The following XPNPEP2 variants were observed in gnomAD, a reference collection of about 807,000 sequenced individuals.
The protein encoded by XPNPEP2 is xaa-Pro aminopeptidase 2.
In XPNPEP2, 64 loss-of-function variants were observed where a neutral mutation model predicts 59.8. The observed-to-expected ratio is 1.07, with a 90% CI of 0.87 to 1.32. The LOEUF (loss-of-function observed/expected upper bound fraction) is 1.32. XPNPEP2 is among the 40% of genes most tolerant of loss of function. The pLI, the probability that XPNPEP2 is intolerant of heterozygous loss-of-function variation, is 0.00. For missense variants in XPNPEP2, 575 were observed against 546.8 expected (o/e 1.05, Z -0.51); for synonymous variants, 235 against 210.0 (o/e 1.12, Z -1.03).
intron 11 of XPNPEP2, among the ~76,000 whole-genome samples, 157 bp downstream of exon 11, chrX:129,753,405 G>A (rs1477898447): frequency 1.8e-5 from 2 of 112,055 alleles, no homozygotes; most frequent in Non-Finnish European, 3.8e-5. Context: ...CACTTTGGGA[G>A]GCCAAGGTGA....
chrX:129,744,189 G>C, intron 3 of XPNPEP2, 118 bp downstream of exon 3: 1 of 633,438 alleles, frequency 1.6e-6, no homozygotes, highest in Non-Finnish European at 2.5e-6. Flanking sequence ...GGCAAAGGGA[G>C]GGAAGTAGAG....
At chrX:129,757,340 G>T (rs1329377036) in intron 14 of XPNPEP2, among the ~76,000 whole-genome samples, 2 of 110,083 alleles carry the variant, frequency 1.8e-5, no homozygotes, top group Admixed American at 2.0e-4. Flanking sequence ...TCATCCACTA[G>T]TGCACACCCT....
rs760399528 is a variant in XPNPEP2, at chrX:129,760,521, A to G, written c.1438A>G (p.Thr480Ala). 4.5e-5 allele frequency: 55 copies of G among 1,209,307 alleles called. No homozygotes were observed. Among genetic ancestry groups the G allele is most frequent in the Non-Finnish European group, 5.9e-5 (53 of 894,774 alleles). The change falls in exon 16 of 21, where the codon ACC becomes GCC. Residue 480 changes from threonine (T) to alanine (A), a missense_variant. By Grantham distance (58) the Thr-to-Ala change is moderately conservative (BLOSUM62 0). Coordinates refer to ENST00000371106, the MANE Select transcript of XPNPEP2 (RefSeq NM_003399.6). The stretch of plus-strand genomic sequence containing the variant: ...TTCCTCTCCCCATCAGGAGGCATAC[A>G]CCCGTGTGCTGATAGGAAATATTGA... Reference protein sequence around the residue: ...TPSAFQKEAYTRVLIGNIDLS... With the variant: ...TPSAFQKEAYARVLIGNIDLS...
chrX:129,739,131 G>C lies in XPNPEP2; in HGVS notation c.-83G>C. 1 of 1,037,254 alleles carries C rather than the reference G, an allele frequency of 9.6e-7. No individual in the cohort carries two copies. The highest frequency in any genetic ancestry group is 1.3e-6 in the Non-Finnish European group (1 of 756,527). 85.5% of individuals were successfully genotyped at this position (1,037,254 alleles called of 1,213,427 possible). On this transcript the variant is annotated 5_prime_UTR_variant, in exon 1 of 21. Transcript: ENST00000371106. ...CCTCTGTCTGCTCGAGCCCAGGAAA[G>C]GCCTGAAGGAAGAGGCCGGGGAAAG...
At chrX:129,760,656 C>A in intron 16 of XPNPEP2, 75 bp downstream of exon 16, 1 of 1,049,043 alleles carries the variant, frequency 9.5e-7, no homozygotes. Context: ...CCCTGGGAGG[C>A]TGGTGGGGCA....
chrX:129,753,639 A>G (rs904390079), intron 11 of XPNPEP2, among the ~76,000 whole-genome samples: 1 of 111,287 alleles, frequency 9.0e-6, no homozygotes, highest in Admixed American at 9.6e-5. Flanking sequence ...GGTCAAAAAA[A>G]AAGAAAGAAA....
In XPNPEP2 at chrX:129,767,659, C is replaced by G; in HGVS notation, c.1797C>G (p.Asn599Lys). 1.7e-6 allele frequency: 2 copies of G among 1,211,740 alleles called. No individual in the cohort carries two copies. The highest frequency in any genetic ancestry group is 1.8e-5 in the South Asian group (1 of 56,991). Reference protein sequence around the residue: ...EVVSFVPYDRNLIDVSLLSPE... With the variant: ...EVVSFVPYDRKLIDVSLLSPE... ...TATCATTTGTGCCCTATGACCGGAACCTCATCGATGTCAGCCTGCTGTCTC... is the reference window on the plus strand; with the variant it reads ...TATCATTTGTGCCCTATGACCGGAAGCTCATCGATGTCAGCCTGCTGTCTC... The change falls in exon 20 of 21, where the codon AAC (asparagine) becomes AAG (lysine). Residue 599 changes from asparagine (N) to lysine (K), a missense_variant. By Grantham distance (94) the Asn-to-Lys change is moderately conservative. Coordinates refer to ENST00000371106, the MANE Select transcript of XPNPEP2 (RefSeq NM_003399.6).
At chrX:129,742,057 T>C in intron 1 of XPNPEP2, 51 bp from the exon 2 acceptor site, 1 of 1,150,755 alleles carries the variant, frequency 8.7e-7, no homozygotes, top group East Asian at 3.0e-5. Flanking sequence ...CTTCCCTCTC[T>C]AGGAACTAGC....
chrX:129,753,078 C>T lies in XPNPEP2; in HGVS notation c.1018-81C>T. ...CCTCCTGCCAGTCCTCTGAAAACAC[C>T]CCTGTGCCATGGAGACCTCCTTTAC... On this transcript the variant is annotated intron_variant, in intron 10 of 20. Transcript: ENST00000371106. 3.6e-6 allele frequency: 3 copies of T among 839,231 alleles called. No individual in the cohort carries two copies. The South Asian group carries it at 6.3e-5, about 18-fold the overall frequency. The allele number at this position is 839,231 out of a possible 1,213,427, so 69.2% of individuals were successfully genotyped here. A position where few individuals can be genotyped will look rare whatever the true frequency, so the allele number is the denominator to read the frequency against.
intron 6 of XPNPEP2, among the ~76,000 whole-genome samples, chrX:129,747,159 A>G (rs747006221): frequency 8.9e-6 from 1 of 112,358 alleles, no homozygotes; most frequent in African/African-American, 3.2e-5. Flanking sequence ...GACAGCTGGC[A>G]AGCCCATTCC....
rs374077316 is a variant in XPNPEP2, at chrX:129,754,490, G to A, written c.1126G>A (p.Val376Met). ...KASHVRDAVA[V>M]IRYLVWLEKN... ...ACTCCAGGTGCGGGACGCTGTGGCT[G>A]TGATCCGGTACTTGGTCTGGCTGGA... The change falls in exon 12 of 21, where the codon GTG (valine) becomes ATG (methionine). Residue 376 changes from valine (V) to methionine (M), a missense_variant. Coordinates refer to ENST00000371106, the MANE Select transcript of XPNPEP2 (RefSeq NM_003399.6). The A allele has an allele frequency of 1.7e-6, 2 of 1,191,342 alleles. No individual in the cohort carries two copies. Among genetic ancestry groups the A allele is most frequent in the South Asian group, 1.9e-5 (1 of 53,739 alleles).
At chrX:129,746,161 G>T in intron 4 of XPNPEP2, 75 bp from the exon 5 acceptor site, 1 of 877,169 alleles carries the variant, frequency 1.1e-6, no homozygotes, top group South Asian at 2.1e-5. Context: ...AGCCAGCACT[G>T]CATTGCACAT....
At chrX:129,755,824 G>A (rs1926507427) in intron 13 of XPNPEP2, among the ~76,000 whole-genome samples, 1 of 112,650 alleles carries the variant, frequency 8.9e-6, no homozygotes, top group South Asian at 3.6e-4. Flanking sequence ...GGCACAGCAG[G>A]GAGAGGTCAA....
intron 11 of XPNPEP2, among the ~76,000 whole-genome samples, chrX:129,753,638 A>G (rs761154467): frequency 2.7e-5 from 3 of 111,501 alleles, no homozygotes; most frequent in Admixed American, 9.5e-5. Flanking sequence ...AGGTCAAAAA[A>G]AAAGAAAGAA....
At chrX:129,748,157 C>G (rs906588685) in intron 7 of XPNPEP2, among the ~76,000 whole-genome samples, 1 of 111,635 alleles carries the variant, frequency 9.0e-6, no homozygotes, top group Non-Finnish European at 1.9e-5. Flanking sequence ...TACTTCTGAC[C>G]CTCTTGTGAT....
Position 129,760,440 on chromosome X carries a change from T to C in XPNPEP2, c.1429-72T>C, listed in dbSNP as rs779003736. ...GCCTGGGCCCTGCACCGTGTATCCA[T>C]AGGCCAAGCAGCTGGATACTCCTCT... On this transcript the variant is annotated intron_variant, in intron 15 of 20. Transcript: ENST00000371106. The C allele has an allele frequency of 1.3e-4, 138 of 1,084,825 alleles. 3 individuals carry two copies. The Admixed American group carries it at 3.0e-3, about 23-fold the overall frequency. 89.4% of individuals were successfully genotyped at this position (1,084,825 alleles called of 1,213,427 possible). A position where few individuals can be genotyped will look rare whatever the true frequency, so the allele number is the denominator to read the frequency against.
chrX:129,758,932 G>T (rs1031385437), intron 14 of XPNPEP2, among the ~76,000 whole-genome samples: 1 of 111,723 alleles, frequency 9.0e-6, no homozygotes, highest in African/African-American at 3.3e-5. Flanking sequence ...TGAGTGGGAT[G>T]GGGGAGGAGT....
At chrX:129,765,231 G>A (rs1004786724) in intron 19 of XPNPEP2, among the ~76,000 whole-genome samples, 1 of 111,561 alleles carries the variant, frequency 9.0e-6, no homozygotes, top group Non-Finnish European at 1.9e-5. Context: ...AAGGGTTGTC[G>A]AAGAGCCTAT....
intron 14 of XPNPEP2, among the ~76,000 whole-genome samples, chrX:129,757,390 C>A (rs776337371): frequency 9.0e-6 from 1 of 110,703 alleles, no homozygotes; most frequent in Non-Finnish European, 1.9e-5. Flanking sequence ...GACTCCTCAG[C>A]CCCCTCTTCC....
Sources: allele counts gnomAD v4.1 joint callset (sites outside exome capture counted in the v4.1 genomes callset), GRCh38; gene constraint gnomAD v4.1.1; transcripts MANE v1.5; gene names NCBI Gene and HGNC (gene_info 2026-07-23, HGNC 2026-07-21).